Variants in ATP10B observed in about 807,000 individuals in gnomAD.
The protein encoded by ATP10B is phospholipid-transporting ATPase VB.
ATP10B carries 122 observed loss-of-function variants against 141.2 expected under a neutral mutation model. The ratio of observed to expected loss-of-function variants is 0.86; its 90% CI spans 0.75 to 1.00. ATP10B has a LOEUF of 1.00. Among genes scored for constraint, ATP10B ranks in the 50% least tolerant of loss-of-function variants. ATP10B has a pLI of 0.00. For synonymous variants in ATP10B, 685 were observed against 692.0 expected, an observed-to-expected ratio of 0.99 and a Z score of 0.16; for missense variants, 1,876 against 1,825.3, an observed-to-expected ratio of 1.03 and a Z score of -0.51.
intron 2 of ATP10B, among the ~76,000 whole-genome samples, chr5:160,730,328 C>G (rs777293699): frequency 2.0e-5 from 3 of 152,134 alleles, no homozygotes; most frequent in Non-Finnish European, 4.4e-5. Context: ...TACCTGCTGT[C>G]TCATTTCATT....
chr5:160,823,585 T>G (rs1774339803), intron 1 of ATP10B, among the ~76,000 whole-genome samples: 1 of 152,182 alleles, frequency 6.6e-6, no homozygotes, highest in Non-Finnish European at 1.5e-5. Flanking sequence ...AGCCAGGCTC[T>G]GTGGCCTACG....
intron 7 of ATP10B, among the ~76,000 whole-genome samples, chr5:160,659,468 TAAAAAC>T (rs10546331): frequency 0.084 from 12,805 of 151,582 alleles, 828 homozygotes; most frequent in African/African-American, 0.18. Context: ...CCGTCTCAAA[TAAAAAC>T]AAAAACAAAA....
chr5:160,762,935 A>G (rs1339316208), intron 2 of ATP10B, among the ~76,000 whole-genome samples: 1 of 152,158 alleles, frequency 6.6e-6, no homozygotes, highest in South Asian at 2.1e-4. Flanking sequence ...GATAAAACAG[A>G]CATCAAAGAA....
At chr5:160,743,876 G>T (rs567680361) in intron 2 of ATP10B, among the ~76,000 whole-genome samples, 3 of 152,214 alleles carry the variant, frequency 2.0e-5, no homozygotes, top group African/African-American at 7.2e-5. Context: ...GGGAGAGCAC[G>T]CTAGTGGCCT....
At chr5:160,901,515 C>A in the ATP10B span, among the ~76,000 whole-genome samples, 1 of 152,038 alleles carries the variant, frequency 6.6e-6, no homozygotes, top group Non-Finnish European at 1.5e-5. Flanking sequence ...TGAGGCCTCC[C>A]TAGCTTATGG....
chr5:160,646,368 T>C (rs1404200230), intron 8 of ATP10B, among the ~76,000 whole-genome samples: 1 of 152,248 alleles, frequency 6.6e-6, no homozygotes, highest in African/African-American at 2.4e-5. Flanking sequence ...AAGGATGCTA[T>C]GGCAAATAAT....
intron 24 of ATP10B, among the ~76,000 whole-genome samples, chr5:160,573,064 GTCC>G (rs1196718604): frequency 6.6e-6 from 1 of 152,122 alleles, no homozygotes; most frequent in Non-Finnish European, 1.5e-5. Flanking sequence ...GAATGTTTAT[GTCC>G]TCCTACTCCC....
chr5:160,855,718 T>G (rs1039662018), upstream of ATP10B, among the ~76,000 whole-genome samples: 2 of 151,920 alleles, frequency 1.3e-5, no homozygotes, highest in Non-Finnish European at 2.9e-5. Context: ...TTTTATAATT[T>G]TATGAATTAC....
chr5:160,631,142 A>G (rs947246855), intron 13 of ATP10B, among the ~76,000 whole-genome samples: 4 of 152,198 alleles, frequency 2.6e-5, no homozygotes, highest in Admixed American at 2.6e-4. Context: ...TAATAAAGGG[A>G]TGGTAGCCCT....
intron 7 of ATP10B, among the ~76,000 whole-genome samples, chr5:160,656,807 C>T (rs575502679): frequency 2.6e-5 from 4 of 152,154 alleles, no homozygotes; most frequent in Non-Finnish European, 4.4e-5. Flanking sequence ...ATATCATTCA[C>T]GAAAGATTCT....
chr5:160,653,752 C>G (rs1354824712), intron 7 of ATP10B, among the ~76,000 whole-genome samples: 4 of 97,484 alleles, frequency 4.1e-5, no homozygotes, highest in African/African-American at 1.1e-4. Context: ...ATTACATATA[C>G]ATAAATATAT....
At chr5:160,770,153 T>G (rs1365288232) in intron 2 of ATP10B, among the ~76,000 whole-genome samples, 1 of 152,138 alleles carries the variant, frequency 6.6e-6, no homozygotes, top group Admixed American at 6.6e-5. Context: ...TCTCTGTCTC[T>G]CTTTTTCTGC....
At chr5:160,582,421 A>T (rs998619563) in intron 24 of ATP10B, among the ~76,000 whole-genome samples, 3 of 152,168 alleles carry the variant, frequency 2.0e-5, no homozygotes, top group African/African-American at 4.8e-5. Context: ...GTTTGGCTGG[A>T]TATGAAATTC....
At chr5:160,672,421 C>T (rs1373818397) in intron 6 of ATP10B, among the ~76,000 whole-genome samples, 2 of 152,244 alleles carry the variant, frequency 1.3e-5, no homozygotes, top group Non-Finnish European at 2.9e-5. Context: ...TCAGGTGTCC[C>T]ATGAAGACTT....
rs1757051076 is a variant in ATP10B at position 160,600,650 on chromosome 5, CCTGGTAAGATCT to C, written c.3364-1692_3364-1681del. Among the ~76,000 whole-genome samples the C allele has an allele frequency of 5.3e-5, 8 of 152,258 alleles. No homozygotes were observed. The South Asian group carries it at 1.7e-3, about 32-fold the overall frequency. ...CAGAGTGCTTCTTGCCTCCTGAGGC[CCTGGTAAGATCT>C]TGCTTGTTTTTCACTTCTGCCTAAC... On this transcript the variant is annotated intron_variant, in intron 21 of 25. Transcript: ENST00000327245.
At chr5:160,900,800 T>TA in the ATP10B span, among the ~76,000 whole-genome samples, 2 of 151,148 alleles carry the variant, frequency 1.3e-5, no homozygotes, top group Non-Finnish European at 3.0e-5. Flanking sequence ...ACATTTTTTT[T>TA]TTATTTGTGG....
chr5:160,653,897 A>T (rs7445310), intron 7 of ATP10B, among the ~76,000 whole-genome samples: 69,568 of 77,306 alleles, frequency 0.9, 31,720 homozygotes, highest in African/African-American at 0.96. Context: ...AAATATATGT[A>T]GTATATACGT....
chr5:160,861,628 G>A, the ATP10B span, among the ~76,000 whole-genome samples: 2 of 151,792 alleles, frequency 1.3e-5, no homozygotes, highest in Non-Finnish European at 2.9e-5. Context: ...TGCAGTAGAA[G>A]ACATTCATAA....
the ATP10B span, among the ~76,000 whole-genome samples, chr5:160,863,649 A>C: frequency 3.3e-5 from 5 of 152,048 alleles, no homozygotes; most frequent in African/African-American, 1.2e-4. Context: ...ACAAGGGATA[A>C]ATGAAACAAA....
Sources: gnomAD v4.1 joint callset for allele counts (sites outside exome capture counted in the v4.1 genomes callset) on GRCh38, gnomAD v4.1.1 for gene constraint, MANE v1.5 for transcripts, NCBI Gene and HGNC (gene_info 2026-07-23, HGNC 2026-07-21) for gene names.